The following PTPRT variants were observed in gnomAD, a reference collection of about 807,000 sequenced individuals.
PTPRT encodes protein tyrosine phosphatase receptor type T.
A neutral mutation model predicts 176.8 loss-of-function variants in PTPRT; 56 were observed. The observed-to-expected ratio is 0.32, with a 90% CI of 0.26 to 0.40. The LOEUF is 0.40. Among genes scored for constraint, PTPRT ranks in the 10% least tolerant of loss-of-function variants. The probability of loss-of-function intolerance (pLI) is 1.00; values close to 1 mark genes in which losing one functional copy is unlikely to be tolerated. For synonymous variants in PTPRT, 783 were observed against 739.0 expected (o/e 1.06, Z -0.96); for missense variants, 1,540 against 1,908.2 (o/e 0.81, Z 3.60).
intron 1 of PTPRT, among the ~76,000 whole-genome samples, chr20:42,952,671 G>A (rs905308349): frequency 6.6e-6 from 1 of 152,152 alleles, no homozygotes; most frequent in African/African-American, 2.4e-5. Context: ...GCTCTAGGTC[G>A]ACTTCATCAC....
At chr20:42,106,684 T>C in intron 24 of PTPRT, 102 bp downstream of exon 24, 1 of 1,457,088 alleles carries the variant, frequency 6.9e-7, no homozygotes, top group Non-Finnish European at 9.4e-7. Flanking sequence ...CCCAGGTCCT[T>C]TCCATAGGAT....
rs1244129456 is a variant in PTPRT, at chr20:42,579,058, CT to C, written c.1153+98807del. Among the ~76,000 whole-genome samples the C allele has an allele frequency of 2.5e-3, 276 of 110,920 alleles. 2 individuals carry two copies. The highest frequency in any genetic ancestry group is 9.4e-3 in the African/African-American group (270 of 28,660). The allele number at this position is 110,920 out of a possible 152,430, so 72.8% of individuals were successfully genotyped here. A position where few individuals can be genotyped will look rare whatever the true frequency, so the allele number is the denominator to read the frequency against. On this transcript the variant is annotated intron_variant, in intron 7 of 30. Coordinates refer to ENST00000373187, the MANE Select transcript of PTPRT (RefSeq NM_007050.6). The stretch of plus-strand genomic sequence containing the variant: ...TATCTTTTAATGCTATCCCTCCCCC[CT>C]CCCCCCACCCCACAACAGGCCCTGG...
At position 42,776,865 on chromosome 20, in the gene PTPRT, TAATA is replaced by T. The variant is rs561970650; in HGVS notation, c.568+3349_568+3352del. ...TCTATATAATGCTTGTACAATTATATAATATATAGATTATAATAATATAATCATA... is the reference window on the plus strand; with the variant it reads ...TCTATATAATGCTTGTACAATTATATTATAGATTATAATAATATAATCATA... On this transcript the variant is annotated intron_variant, in intron 4 of 30. Transcript: ENST00000373187. 2.7e-5 allele frequency among the ~76,000 whole-genome samples: 4 copies of T among 149,240 alleles called. No individual in the cohort carries two copies. The South Asian group carries it at 6.3e-4, about 23-fold the overall frequency.
At chr20:43,100,241 A>C (rs1388844816) in intron 1 of PTPRT, among the ~76,000 whole-genome samples, 1 of 152,068 alleles carries the variant, frequency 6.6e-6, no homozygotes, top group African/African-American at 2.4e-5. Context: ...GCTGGGCATC[A>C]TGACACACGC....
At chr20:42,328,100 A>G (rs182247202) in intron 11 of PTPRT, among the ~76,000 whole-genome samples, 1 of 152,254 alleles carries the variant, frequency 6.6e-6, no homozygotes, top group Admixed American at 6.5e-5. Flanking sequence ...ATGATGCCTT[A>G]TAAGTAATTC....
intron 1 of PTPRT, among the ~76,000 whole-genome samples, chr20:43,019,475 TG>T (rs1440946409): frequency 6.6e-6 from 1 of 151,682 alleles, no homozygotes; most frequent in Admixed American, 6.6e-5. Context: ...AAAAATTAGC[TG>T]GGTGTGGTGG....
chr20:42,864,704 C>G lies in PTPRT; in HGVS notation c.214+21103G>C, dbSNP rs182469595. 2.5e-3 allele frequency among the ~76,000 whole-genome samples: 376 copies of G among 152,326 alleles called. 1 individual carries two copies. Among genetic ancestry groups the G allele is most frequent in the Admixed American group, 6.9e-3 (106 of 15,296 alleles). On this transcript the variant is annotated intron_variant, in intron 2 of 30. Coordinates refer to ENST00000373187, the MANE Select transcript of PTPRT (RefSeq NM_007050.6). ...TTGAACGTGTATATGCCTCTGGAATCTCTTTTCTGAAATTCAACTGTACAG... is the reference window on the plus strand; with the variant it reads ...TTGAACGTGTATATGCCTCTGGAATGTCTTTTCTGAAATTCAACTGTACAG...
chr20:42,287,140 T>C (rs2057244136), intron 12 of PTPRT, among the ~76,000 whole-genome samples: 1 of 151,968 alleles, frequency 6.6e-6, no homozygotes, highest in African/African-American at 2.4e-5. Flanking sequence ...TTGATGGGAA[T>C]GTAAACTAGT....
intron 14 of PTPRT, among the ~76,000 whole-genome samples, chr20:42,241,580 G>A (rs73118098): frequency 0.026 from 3,904 of 152,162 alleles, 97 homozygotes; most frequent in Middle Eastern, 0.058. Flanking sequence ...GAAATACCAG[G>A]GGCTTCCTTT....
intron 1 of PTPRT, among the ~76,000 whole-genome samples, chr20:43,127,297 C>A (rs1008861336): frequency 2.0e-5 from 3 of 151,842 alleles, no homozygotes; most frequent in African/African-American, 7.3e-5. Flanking sequence ...GTGGTGGGCA[C>A]CTGTAGTCCC....
At chr20:43,138,800 C>A (rs1254327681) in intron 1 of PTPRT, among the ~76,000 whole-genome samples, 1 of 152,154 alleles carries the variant, frequency 6.6e-6, no homozygotes, top group Non-Finnish European at 1.5e-5. Context: ...CCACACCTTG[C>A]CACTGACCCT....
At chr20:42,995,516 A>T (rs1431797107) in intron 1 of PTPRT, among the ~76,000 whole-genome samples, 1 of 152,124 alleles carries the variant, frequency 6.6e-6, no homozygotes, top group Non-Finnish European at 1.5e-5. Context: ...TACCTCTGAA[A>T]CACTGGGCTC....
intron 12 of PTPRT, among the ~76,000 whole-genome samples, chr20:42,302,249 T>C (rs1323505206): frequency 6.6e-6 from 1 of 152,190 alleles, no homozygotes; most frequent in Non-Finnish European, 1.5e-5. Context: ...AAGACAATTT[T>C]TTTTTCTTTT....
chr20:42,098,600 A>C, intron 26 of PTPRT, 48 bp from the exon 27 acceptor site: 2 of 1,609,228 alleles, frequency 1.2e-6, no homozygotes, highest in Non-Finnish European at 1.7e-6. Flanking sequence ...TCCATCAGTG[A>C]TATTCTGATG....
chr20:42,669,053 G>C (rs2425510), intron 7 of PTPRT, among the ~76,000 whole-genome samples: 5 of 151,786 alleles, frequency 3.3e-5, no homozygotes, highest in Non-Finnish European at 7.4e-5. Flanking sequence ...CCATAACCGA[G>C]TATGATCAGA....
chr20:42,573,749 C>CTTTT lies in PTPRT; in HGVS notation c.1154-101191_1154-101188dup, dbSNP rs150938657. ...GGCAAGACGGACCCTTTCTTTCTTT[C>CTTTT]TTTTTTTTTTTTTTTTTGAGATGGA... On this transcript the variant is annotated intron_variant, in intron 7 of 30. Transcript: ENST00000373187. 7.3e-3 allele frequency among the ~76,000 whole-genome samples: 825 copies of CTTTT among 112,498 alleles called. 21 individuals are homozygous for CTTTT. The highest frequency in any genetic ancestry group is 0.027 in the African/African-American group (786 of 28,596). 73.8% of individuals were successfully genotyped at this position (112,498 alleles called of 152,430 possible). A position where few individuals can be genotyped will look rare whatever the true frequency, so the allele number is the denominator to read the frequency against.
chr20:42,166,242 C>G (rs894184233), intron 16 of PTPRT, among the ~76,000 whole-genome samples: 5 of 152,124 alleles, frequency 3.3e-5, no homozygotes, highest in African/African-American at 9.7e-5. Flanking sequence ...AGACACTGAT[C>G]CAGTGTAAAA....
At chr20:42,810,360 T>C (rs2077681742) in intron 2 of PTPRT, among the ~76,000 whole-genome samples, 1 of 152,042 alleles carries the variant, frequency 6.6e-6, no homozygotes, top group Non-Finnish European at 1.5e-5. Flanking sequence ...TACCTGGATG[T>C]TGGGGTGATT....
At chr20:42,478,154 G>A (rs908388507) in intron 7 of PTPRT, among the ~76,000 whole-genome samples, 1 of 152,210 alleles carries the variant, frequency 6.6e-6, no homozygotes, top group African/African-American at 2.4e-5. Flanking sequence ...GAGGACTGAG[G>A]TTGCTGTGCA....
Sources: gnomAD v4.1 joint callset for allele counts (sites outside exome capture counted in the v4.1 genomes callset) on GRCh38, gnomAD v4.1.1 for gene constraint, MANE v1.5 for transcripts, NCBI Gene and HGNC (gene_info 2026-07-23, HGNC 2026-07-21) for gene names.